CNOT10: variants seen among roughly 807,000 people sequenced by gnomAD.
The protein encoded by CNOT10 is CCR4-NOT transcription complex subunit 10, also known as CCR4-NOT transcription complex, subunit 10.
CNOT10 carries 30 observed loss-of-function variants against 94.6 expected under a neutral mutation model. The observed-to-expected ratio is 0.32, with a 90% CI of 0.24 to 0.43. The LOEUF is 0.43. Ranked by LOEUF, CNOT10 falls within the 20% of genes least tolerant of loss-of-function variation. The pLI is 1.00. For synonymous variants in CNOT10, 289 were observed against 301.6 expected (o/e 0.96, Z 0.43); for missense variants, 759 against 877.2 (o/e 0.87, Z 1.70).
chr3:32,735,929 C>T (rs746665143), intron 12 of CNOT10, among the ~76,000 whole-genome samples: 1 of 151,912 alleles, frequency 6.6e-6, no homozygotes, highest in Non-Finnish European at 1.5e-5. Context: ...AGCAAGACCC[C>T]ATCTCTTCAA....
In CNOT10 at chr3:32,747,808, C is replaced by T. The variant is rs138445153; in HGVS notation, c.1595+10318C>T. On this transcript the variant is annotated intron_variant, in intron 13 of 18. Coordinates refer to ENST00000328834, the MANE Select transcript of CNOT10 (RefSeq NM_015442.3). ...ACTAAAAATACAAAAATTAGCTGGG[C>T]GTAGTGGCGCGCCCATGTAGTCCCA... Among the ~76,000 whole-genome samples the T allele has an allele frequency of 5.2e-3, 792 of 152,180 alleles. 6 individuals are homozygous for T. Among genetic ancestry groups the T allele is most frequent in the African/African-American group, 0.018 (729 of 41,530 alleles).
chr3:32,709,290 CAAG>C (rs1373557333), intron 4 of CNOT10, among the ~76,000 whole-genome samples: 1 of 151,858 alleles, frequency 6.6e-6, no homozygotes, highest in East Asian at 1.9e-4. Context: ...GTAGGAGTAG[CAAG>C]AAAAGTAAGG....
At chr3:32,743,856 ATT>A (rs1428212225) in intron 13 of CNOT10, among the ~76,000 whole-genome samples, 1 of 152,200 alleles carries the variant, frequency 6.6e-6, no homozygotes, top group Non-Finnish European at 1.5e-5. Context: ...TATTACTTCC[ATT>A]TTTTTTGTGT....
chr3:32,701,467 A>C (rs1444860342), intron 1 of CNOT10, among the ~76,000 whole-genome samples: 2 of 152,158 alleles, frequency 1.3e-5, no homozygotes, highest in Admixed American at 1.3e-4. Flanking sequence ...TGTGTCCCCA[A>C]CCAAATCTCA....
At chr3:32,710,786 A>G (rs1343756242) in intron 4 of CNOT10, among the ~76,000 whole-genome samples, 9 of 151,446 alleles carry the variant, frequency 5.9e-5, no homozygotes, top group Non-Finnish European at 1.3e-4. Context: ...AGTGGCGTGA[A>G]CTCCACTCAC....
Position 32,703,446 on chromosome 3 carries a change from G to A in CNOT10, c.23-422G>A, listed in dbSNP as rs1194337956. ...AACTATGATAAAGTTTATAAATGAG[G>A]CACAGTAAGAGATTAACAACAACAG... On this transcript the variant is annotated intron_variant, in intron 1 of 18. Coordinates refer to ENST00000328834, the MANE Select transcript of CNOT10 (RefSeq NM_015442.3). Among the ~76,000 whole-genome samples, 10 of 151,982 alleles carry A rather than the reference G, an allele frequency of 6.6e-5. No homozygotes were observed. In the South Asian group the frequency reaches 1.7e-3, roughly 25 times the overall value.
At chr3:32,722,857 G>A (rs1387907881) in intron 8 of CNOT10, among the ~76,000 whole-genome samples, 2 of 152,096 alleles carry the variant, frequency 1.3e-5, no homozygotes, top group South Asian at 2.1e-4. Context: ...GATGGCATGC[G>A]CCTGTATTCC....
intron 1 of CNOT10, among the ~76,000 whole-genome samples, chr3:32,691,328 AT>A (rs1439352360): frequency 1.3e-5 from 2 of 151,558 alleles, no homozygotes; most frequent in Non-Finnish European, 2.9e-5. Flanking sequence ...TGCCTGGCTA[AT>A]TTTTTGTATT....
rs577347736 is a variant in CNOT10, at chr3:32,740,744, C to A, written c.1595+3254C>A. 8.0e-4 allele frequency among the ~76,000 whole-genome samples: 122 copies of A among 152,090 alleles called. 1 individual carries two copies. The Middle Eastern group carries it at 0.01, about 13-fold the overall frequency. ...GGGCGTGGTGGCGGGCGCCTGTAGT[C>A]CCAGCTACGCGGGAGGCTGAGCCAG... On this transcript the variant is annotated intron_variant, in intron 13 of 18. Coordinates refer to ENST00000328834, the MANE Select transcript of CNOT10 (RefSeq NM_015442.3).
At chr3:32,720,023 G>A in intron 7 of CNOT10, 91 bp from the exon 8 acceptor site, 1 of 551,534 alleles carries the variant, frequency 1.8e-6, no homozygotes, top group Non-Finnish European at 3.1e-6. Context: ...TTCATTTATG[G>A]TTTTGAACAC....
At chr3:32,771,625 T>C (rs36117117) in intron 18 of CNOT10, among the ~76,000 whole-genome samples, 32,070 of 151,828 alleles carry the variant, frequency 0.21, 4,194 homozygotes, top group African/African-American at 0.36. Flanking sequence ...TAAATACCTA[T>C]ATCTATCTAG....
chr3:32,763,187 T>G (rs1700523496), intron 15 of CNOT10, among the ~76,000 whole-genome samples: 1 of 152,126 alleles, frequency 6.6e-6, no homozygotes. Context: ...AGAGTCAGTT[T>G]TAGTCCAGGC....
Position 32,757,048 on chromosome 3 carries a change from G to T in CNOT10, c.1596-2410G>T, listed in dbSNP as rs566497823. On this transcript the variant is annotated intron_variant, in intron 13 of 18. Transcript: ENST00000328834. ...TTGAACCGAGGAGGCAGAGGTTGCA[G>T]TCAGCCGAGATTGCACCACTGCACT... Among the ~76,000 whole-genome samples, 4 of 148,248 alleles carry T rather than the reference G, an allele frequency of 2.7e-5. No homozygotes were observed. The East Asian group carries it at 8.2e-4, about 30-fold the overall frequency.
rs560243625 is a variant in CNOT10, at chr3:32,764,825, G to C, written c.2004+16G>C. On this transcript the variant is annotated intron_variant, in intron 17 of 18. Transcript: ENST00000328834. The stretch of plus-strand genomic sequence containing the variant: ...TCTCCACCAGGTGAGTCCAGAGTGG[G>C]AGGAACTGAACCTTGTAAAGCAGCC... The C allele has an allele frequency of 3.7e-6, 6 of 1,612,846 alleles. No individual in the cohort carries two copies. The East Asian group carries it at 8.9e-5, about 24-fold the overall frequency.
intron 2 of CNOT10, among the ~76,000 whole-genome samples, chr3:32,704,443 T>G (rs998965747): frequency 2.0e-5 from 3 of 152,150 alleles, no homozygotes; most frequent in Admixed American, 6.5e-5. Flanking sequence ...GCAGAAGAAC[T>G]TGATGCTTGG....
At chr3:32,704,386 C>T (rs1697514307) in intron 2 of CNOT10, among the ~76,000 whole-genome samples, 1 of 152,030 alleles carries the variant, frequency 6.6e-6, no homozygotes, top group Non-Finnish European at 1.5e-5. Context: ...TGGCATTAAA[C>T]AATATGAAAG....
chr3:32,753,936 A>AC, intron 13 of CNOT10: 2 of 1,039,606 alleles, frequency 1.9e-6, no homozygotes, highest in Non-Finnish European at 1.4e-6. Context: ...ACACACACAC[A>AC]AAATATAAAA....
At chr3:32,739,190 G>T (rs1699336961) in intron 13 of CNOT10, among the ~76,000 whole-genome samples, 1 of 152,216 alleles carries the variant, frequency 6.6e-6, no homozygotes, top group Non-Finnish European at 1.5e-5. Context: ...ACAGGCATGA[G>T]CCACTGCGCC....
At chr3:32,735,687 G>A (rs1699157883) in intron 12 of CNOT10, among the ~76,000 whole-genome samples, 1 of 152,186 alleles carries the variant, frequency 6.6e-6, no homozygotes, top group South Asian at 2.1e-4. Context: ...ATCCAGCCTG[G>A]TGACAGAATG....
Sources: allele counts gnomAD v4.1 joint callset (sites outside exome capture counted in the v4.1 genomes callset), GRCh38; gene constraint gnomAD v4.1.1; transcripts MANE v1.5; gene names NCBI Gene and HGNC (gene_info 2026-07-23, HGNC 2026-07-21).